Variants in PRKN observed in about 807,000 individuals in gnomAD.
The protein encoded by PRKN is parkin RBR E3 ubiquitin protein ligase.
In PRKN, 56 loss-of-function variants were observed where a neutral mutation model predicts 59.5. That is an observed-to-expected ratio of 0.94 (90% CI 0.76 to 1.18). The LOEUF (loss-of-function observed/expected upper bound fraction) is 1.18. Ranked by LOEUF, PRKN falls within the 50% of genes most tolerant of loss-of-function variation. PRKN has a pLI of 0.00. For missense variants in PRKN, 657 were observed against 596.4 expected (o/e 1.10, Z -1.06); for synonymous variants, 250 against 222.1 (o/e 1.13, Z -1.12).
chr6:162,074,024 C>T (rs1341994133), intron 4 of PRKN, among the ~76,000 whole-genome samples: 1 of 150,052 alleles, frequency 6.7e-6, no homozygotes, highest in African/African-American at 2.5e-5. Flanking sequence ...CACTTTTACA[C>T]TGTTGGTGGG....
At chr6:162,578,312 A>C (rs1283407044) in intron 1 of PRKN, among the ~76,000 whole-genome samples, 1 of 152,164 alleles carries the variant, frequency 6.6e-6, no homozygotes, top group Non-Finnish European at 1.5e-5. Context: ...TATTAAATAT[A>C]ATGTATTAAA....
At chr6:162,678,207 T>C (rs1477728044) in intron 1 of PRKN, among the ~76,000 whole-genome samples, 1 of 152,228 alleles carries the variant, frequency 6.6e-6, no homozygotes, top group African/African-American at 2.4e-5. Context: ...CACCTGTTGA[T>C]GGTTATTGGA....
chr6:161,891,701 A>AT, intron 6 of PRKN, among the ~76,000 whole-genome samples: 2 of 152,320 alleles, frequency 1.3e-5, no homozygotes, highest in Middle Eastern at 6.8e-3. Flanking sequence ...TACAGGGGGT[A>AT]AGACAAATAC....
intron 7 of PRKN, among the ~76,000 whole-genome samples, chr6:161,707,759 CT>C (rs1164925572): frequency 6.6e-6 from 1 of 152,072 alleles, no homozygotes; most frequent in Non-Finnish European, 1.5e-5. Context: ...GCTCTAATTC[CT>C]GTGCAATTTG....
chr6:161,885,598 G>C (rs1795113820), intron 6 of PRKN, among the ~76,000 whole-genome samples: 1 of 151,026 alleles, frequency 6.6e-6, no homozygotes, highest in Non-Finnish European at 1.5e-5. Flanking sequence ...CCGGGAGGCG[G>C]AGCTTGCAGT....
At chr6:162,517,324 T>G (rs1295973339) in intron 1 of PRKN, among the ~76,000 whole-genome samples, 1 of 150,720 alleles carries the variant, frequency 6.6e-6, no homozygotes, top group East Asian at 2.0e-4. Flanking sequence ...CTCGGCTCAC[T>G]GCAAGGTCTG....
At chr6:162,647,516 A>T (rs1411896477) in intron 1 of PRKN, among the ~76,000 whole-genome samples, 2 of 152,148 alleles carry the variant, frequency 1.3e-5, no homozygotes, top group Admixed American at 1.3e-4. Flanking sequence ...TAAAAATCTA[A>T]AATCCAGGAA....
At chr6:162,503,181 T>C (rs923189493) in intron 1 of PRKN, among the ~76,000 whole-genome samples, 4 of 147,896 alleles carry the variant, frequency 2.7e-5, no homozygotes, top group Non-Finnish European at 4.4e-5. Context: ...GGTGTTTTTT[T>C]AGACAGAGTC....
intron 2 of PRKN, among the ~76,000 whole-genome samples, chr6:162,367,229 C>T (rs975216230): frequency 1.3e-5 from 2 of 152,144 alleles, no homozygotes; most frequent in East Asian, 3.9e-4. Flanking sequence ...TCCCCTTCCA[C>T]CATGATTGTA....
chr6:161,828,263 A>G (rs1284529228), intron 6 of PRKN, among the ~76,000 whole-genome samples: 1 of 152,246 alleles, frequency 6.6e-6, no homozygotes, highest in Non-Finnish European at 1.5e-5. Context: ...ACCAGTAACT[A>G]TTTAGCTTAA....
At chr6:162,130,297 T>C (rs1262638602) in intron 4 of PRKN, among the ~76,000 whole-genome samples, 1 of 152,176 alleles carries the variant, frequency 6.6e-6, no homozygotes, top group African/African-American at 2.4e-5. Flanking sequence ...ATTCATTTCA[T>C]CTATCACACA....
intron 5 of PRKN, among the ~76,000 whole-genome samples, chr6:162,025,949 T>C (rs1783418352): frequency 6.6e-6 from 1 of 151,996 alleles, no homozygotes. Context: ...GATAGGGAGA[T>C]GAGGGCCAAA....
intron 1 of PRKN, among the ~76,000 whole-genome samples, chr6:162,675,906 A>C (rs1169631861): frequency 6.6e-6 from 1 of 152,244 alleles, no homozygotes; most frequent in Non-Finnish European, 1.5e-5. Flanking sequence ...ATACTGACTT[A>C]TACACAAAAA....
intron 1 of PRKN, among the ~76,000 whole-genome samples, chr6:162,627,096 A>G (rs1456305245): frequency 6.6e-6 from 1 of 152,154 alleles, no homozygotes. Flanking sequence ...ATGCAACCAC[A>G]TAATCCTATC....
chr6:162,400,310 A>C (rs1234985612), intron 2 of PRKN, among the ~76,000 whole-genome samples: 1 of 152,102 alleles, frequency 6.6e-6, no homozygotes, highest in African/African-American at 2.4e-5. Flanking sequence ...CCTGTAGACA[A>C]CACCAGATTA....
intron 3 of PRKN, among the ~76,000 whole-genome samples, chr6:162,253,136 A>C (rs1455101998): frequency 6.6e-6 from 1 of 152,190 alleles, no homozygotes; most frequent in African/African-American, 2.4e-5. Flanking sequence ...TCACAGAAAC[A>C]AGAAAAATTA....
At chr6:161,472,441 G>A (rs1790841851) in intron 9 of PRKN, among the ~76,000 whole-genome samples, 1 of 152,070 alleles carries the variant, frequency 6.6e-6, no homozygotes. Context: ...ATGGTATTGG[G>A]AAAACTGGAT....
chr6:161,658,910 C>T (rs1784448990), intron 7 of PRKN, among the ~76,000 whole-genome samples: 1 of 152,190 alleles, frequency 6.6e-6, no homozygotes, highest in African/African-American at 2.4e-5. Flanking sequence ...TTCATTAATT[C>T]TGTCTGTCTA....
chr6:162,656,638 C>A (rs1212219603), intron 1 of PRKN, among the ~76,000 whole-genome samples: 3 of 152,228 alleles, frequency 2.0e-5, no homozygotes, highest in African/African-American at 7.2e-5. Flanking sequence ...CCTGTCCCCT[C>A]TAACCCTTGC....
Sources: gnomAD v4.1 joint callset for allele counts (sites outside exome capture counted in the v4.1 genomes callset) on GRCh38, gnomAD v4.1.1 for gene constraint, MANE v1.5 for transcripts, NCBI Gene and HGNC (gene_info 2026-07-23, HGNC 2026-07-21) for gene names.